The following PAM variants were observed in gnomAD, a reference collection of about 807,000 sequenced individuals.
PAM encodes the protein peptidylglycine alpha-amidating monooxygenase.
A neutral mutation model predicts 122.1 loss-of-function variants in PAM; 72 were observed. The ratio of observed to expected loss-of-function variants is 0.59; its 90% CI spans 0.49 to 0.72. PAM has a LOEUF of 0.72. Ranked by LOEUF, PAM falls within the 30% of genes least tolerant of loss-of-function variation. The pLI is 0.00. For missense variants in PAM, 1,106 were observed against 1,183.7 expected (o/e 0.93, Z 0.96); for synonymous variants, 389 against 404.4 (o/e 0.96, Z 0.46).
Position 102,961,199 on chromosome 5 carries a change from A to C in PAM, c.1132A>C (p.Lys378Gln). The change falls in exon 14 of 26, where the codon AAA (lysine) becomes CAA (glutamine). Residue 378 changes from lysine (K) to glutamine (Q), a missense_variant. Physicochemically the swap from Lys to Gln is moderately conservative, Grantham distance 53. Around this residue, in one of 3 missense-constraint regions of PAM, gnomAD observed 670 missense variants for 690.3 expected, o/e 0.97. Coordinates refer to ENST00000438793, the MANE Select transcript of PAM (RefSeq NM_001177306.2). ...TAAGATTCCTTTACTACAGCAGCCA[A>C]AACGAGAAGAAGAAGAAGTGTTAGA... ...KDKIPLLQQPKREEEEVLDQG... is the reference protein window; with the variant it reads ...KDKIPLLQQPQREEEEVLDQG... 6.3e-7 allele frequency: 1 copy of C among 1,579,706 alleles called. No individual in the cohort carries two copies. Among genetic ancestry groups the C allele is most frequent in the Non-Finnish European group, 8.7e-7 (1 of 1,149,324 alleles).
intron 5 of PAM, among the ~76,000 whole-genome samples, chr5:102,921,303 C>T (rs1374832984): frequency 6.6e-6 from 1 of 151,970 alleles, no homozygotes; most frequent in Non-Finnish European, 1.5e-5. Flanking sequence ...AGTAAAAATC[C>T]CCTCTACTTC....
At chr5:102,919,430 C>A (rs953604062) in intron 5 of PAM, among the ~76,000 whole-genome samples, 1 of 152,064 alleles carries the variant, frequency 6.6e-6, no homozygotes, top group African/African-American at 2.4e-5. Flanking sequence ...TCTTTATGCT[C>A]CTGTTCCACA....
chr5:102,858,245 G>A (rs1783160696), intron 1 of PAM, among the ~76,000 whole-genome samples: 1 of 152,142 alleles, frequency 6.6e-6, no homozygotes, highest in Non-Finnish European at 1.5e-5. Flanking sequence ...TAAAGAAAAT[G>A]GAATTGCATT....
At chr5:102,901,292 TA>T (rs778253878) in intron 3 of PAM, 63 bp from the exon 4 acceptor site, 10 of 932,652 alleles carry the variant, frequency 1.1e-5, no homozygotes, top group African/African-American at 1.6e-5. Context: ...CACGTTTTAA[TA>T]GTTATTATTT....
chr5:102,976,310 C>G (rs545341424), intron 15 of PAM, among the ~76,000 whole-genome samples: 3 of 152,028 alleles, frequency 2.0e-5, no homozygotes, highest in Non-Finnish European at 4.4e-5. Flanking sequence ...TCTCTTTCAC[C>G]ATTTACTGTA....
chr5:102,881,776 T>A (rs568191673), intron 3 of PAM, among the ~76,000 whole-genome samples: 18 of 151,490 alleles, frequency 1.2e-4, no homozygotes, highest in African/African-American at 4.3e-4. Context: ...TTTCTGAGAC[T>A]TACCTGCATC....
intron 1 of PAM, among the ~76,000 whole-genome samples, chr5:102,832,119 G>C (rs923303353): frequency 6.6e-6 from 1 of 152,254 alleles, no homozygotes; most frequent in African/African-American, 2.4e-5. Flanking sequence ...GATTACAAGT[G>C]TCCAAACTTT....
Position 102,972,421 on chromosome 5 carries a change from A to G in PAM, c.1163-1695A>G, listed in dbSNP as rs1225273063. ...TTTAGCCTCCCAAGTGGTGAGGACT[A>G]TAATTGAATGCCACCACACCCAGCT... On this transcript the variant is annotated intron_variant, in intron 14 of 25. Coordinates refer to ENST00000438793, the MANE Select transcript of PAM (RefSeq NM_001177306.2). Among the ~76,000 whole-genome samples the G allele has an allele frequency of 3.9e-5, 6 of 152,094 alleles. No homozygotes were observed. In the East Asian group the frequency reaches 9.7e-4, roughly 24 times the overall value.
intron 1 of PAM, among the ~76,000 whole-genome samples, chr5:102,860,410 A>G (rs1257522631): frequency 1.3e-5 from 2 of 152,134 alleles, no homozygotes. Flanking sequence ...TGTTCAAAGG[A>G]TGATAGGAAT....
intron 1 of PAM, among the ~76,000 whole-genome samples, chr5:102,761,118 C>T (rs1354563790): frequency 6.6e-6 from 1 of 152,188 alleles, no homozygotes; most frequent in African/African-American, 2.4e-5. Flanking sequence ...CCCAGCTGTG[C>T]TGGTGTGGTC....
chr5:102,910,892 C>T (rs1255659878), intron 4 of PAM, among the ~76,000 whole-genome samples: 1 of 151,902 alleles, frequency 6.6e-6, no homozygotes, highest in Admixed American at 6.6e-5. Flanking sequence ...ACATCTCCTG[C>T]ATAGTCTTAT....
chr5:102,890,585 A>G (rs1433696801), intron 3 of PAM, among the ~76,000 whole-genome samples: 1 of 151,922 alleles, frequency 6.6e-6, no homozygotes, highest in Non-Finnish European at 1.5e-5. Flanking sequence ...ACTCATGGTC[A>G]TTGGACTACA....
intron 17 of PAM, among the ~76,000 whole-genome samples, chr5:103,003,574 ATTAAAATTTGTCAATTTGTCCT>A (rs930617956): frequency 1.3e-5 from 2 of 152,208 alleles, no homozygotes; most frequent in Non-Finnish European, 2.9e-5. Context: ...AATGTATACA[ATTAAAATTTGTCAATTTGTCCT>A]TTAAAAAATT....
At chr5:103,005,781 G>C (rs1235845786) in intron 18 of PAM, among the ~76,000 whole-genome samples, 2 of 152,180 alleles carry the variant, frequency 1.3e-5, no homozygotes. Flanking sequence ...GGGAAAGCTA[G>C]TATGTAAATG....
intron 1 of PAM, among the ~76,000 whole-genome samples, chr5:102,816,530 C>T (rs183529389): frequency 2.0e-5 from 3 of 152,252 alleles, no homozygotes; most frequent in Admixed American, 1.3e-4. Context: ...TCCTTCAAAG[C>T]CACTCACATC....
At chr5:102,979,648 T>TTG (rs1769056297) in intron 15 of PAM, among the ~76,000 whole-genome samples, 1 of 152,116 alleles carries the variant, frequency 6.6e-6, no homozygotes, top group South Asian at 2.1e-4. Context: ...AGTCTTTAGG[T>TTG]AACACAGATA....
At chr5:102,780,759 CTT>C (rs750010906) in intron 1 of PAM, among the ~76,000 whole-genome samples, 1 of 27,150 alleles carries the variant, frequency 3.7e-5, no homozygotes, top group Non-Finnish European at 8.2e-5. Context: ...CTTTCTCTTT[CTT>C]TCTTTCTTTC....
intron 1 of PAM, among the ~76,000 whole-genome samples, chr5:102,771,604 AT>A (rs1318097580): frequency 6.6e-6 from 1 of 152,116 alleles, no homozygotes; most frequent in Non-Finnish European, 1.5e-5. Context: ...TTGGTCTAGC[AT>A]TTTCAACTAC....
chr5:102,864,604 T>C (rs2150929725), intron 1 of PAM: 1 of 152,332 alleles, frequency 6.6e-6, no homozygotes, highest in Middle Eastern at 3.4e-3. Flanking sequence ...TCTAGGTTTT[T>C]GTTTTGTTTT....
Sources: allele counts gnomAD v4.1 joint callset (sites outside exome capture counted in the v4.1 genomes callset), GRCh38; gene constraint gnomAD v4.1.1; regional missense constraint gnomAD v4.1.1; transcripts MANE v1.5; gene names NCBI Gene and HGNC (gene_info 2026-07-23, HGNC 2026-07-21).